CLIP2: variants seen among roughly 807,000 people sequenced by gnomAD.
CLIP2 encodes CAP-Gly domain containing linker protein 2, also known as CAP-Gly domain-containing linker protein 2.
In CLIP2, 41 loss-of-function variants were observed where a neutral mutation model predicts 111.7. The ratio of observed to expected loss-of-function variants is 0.37; its 90% CI spans 0.29 to 0.48. The LOEUF (loss-of-function observed/expected upper bound fraction) is 0.48, where lower values mean the gene tolerates loss of function less well. Among genes scored for constraint, CLIP2 ranks in the 20% least tolerant of loss-of-function variants. The pLI, the probability that CLIP2 is intolerant of heterozygous loss-of-function variation, is 0.99. For missense variants in CLIP2, 1,160 were observed against 1,422.1 expected (o/e 0.82, Z 2.96); for synonymous variants, 660 against 644.2 (o/e 1.02, Z -0.37).
chr7:74,389,717 G>A (rs1791220910), intron 13 of CLIP2, among the ~76,000 whole-genome samples: 1 of 151,730 alleles, frequency 6.6e-6, no homozygotes, highest in African/African-American at 2.4e-5. Context: ...TGGCCAAAAT[G>A]GTGAAACCCT....
At chr7:74,345,780 G>T (rs1789782618) in intron 3 of CLIP2, among the ~76,000 whole-genome samples, 1 of 151,942 alleles carries the variant, frequency 6.6e-6, no homozygotes, top group Admixed American at 6.6e-5. Context: ...CCGGGAGGCG[G>T]AGGTTGCAAT....
intron 13 of CLIP2, among the ~76,000 whole-genome samples, chr7:74,392,259 G>A (rs1161149100): frequency 2.0e-5 from 3 of 151,932 alleles, no homozygotes; most frequent in Non-Finnish European, 4.4e-5. Context: ...GCTGAGGCAG[G>A]AGAATGGCGT....
rs187161243 is a variant in CLIP2, at chr7:74,389,662, G to A, written c.2720+403G>A. Among the ~76,000 whole-genome samples the A allele has an allele frequency of 5.8e-3, 883 of 151,770 alleles. 7 individuals carry two copies. The highest frequency in any genetic ancestry group is 0.02 in the African/African-American group (821 of 41,374). ...ACCTGTAATCCCAGCACCTTGGGAG[G>A]CCGAGGCAGCCGGATCACCTGAGGT... is the stretch of plus-strand genomic sequence containing the variant. On this transcript the variant is annotated intron_variant, in intron 13 of 16. Coordinates refer to ENST00000223398, the MANE Select transcript of CLIP2 (RefSeq NM_003388.5).
At chr7:74,388,995 T>A in intron 12 of CLIP2, 108 bp from the exon 13 acceptor site, 1 of 1,358,402 alleles carries the variant, frequency 7.4e-7, no homozygotes, top group Non-Finnish European at 1.0e-6. Context: ...GTATGTCACC[T>A]TCATCCCCTG....
rs2116688470 is a variant in CLIP2, at chr7:74,389,099, C to A, written c.2564-4C>A. Reference sequence around the variant, plus strand: ...TTCCTCCCTTCCCTGCCGGCTGACCCCAGCGCTGGAGAGCAAGTGTAAGTC... The same window carrying A: ...TTCCTCCCTTCCCTGCCGGCTGACCACAGCGCTGGAGAGCAAGTGTAAGTC... On this transcript the variant is annotated splice_polypyrimidine_tract_variant and splice_region_variant and intron_variant, in intron 12 of 16. Coordinates refer to ENST00000223398, the MANE Select transcript of CLIP2 (RefSeq NM_003388.5). 1 of 1,605,262 alleles carries A rather than the reference C, an allele frequency of 6.2e-7. No homozygotes were observed. Among genetic ancestry groups the A allele is most frequent in the South Asian group, 1.1e-5 (1 of 89,638 alleles).
chr7:74,393,720 C>T (rs1485059458), intron 13 of CLIP2, among the ~76,000 whole-genome samples: 1 of 152,220 alleles, frequency 6.6e-6, no homozygotes, highest in African/African-American at 2.4e-5. Flanking sequence ...TACCTCCTTT[C>T]CTTCTATACA....
chr7:74,322,074 C>T (rs1259375663), intron 2 of CLIP2, among the ~76,000 whole-genome samples: 4 of 150,498 alleles, frequency 2.7e-5, no homozygotes, highest in Non-Finnish European at 4.4e-5. Context: ...TGATTGCAAC[C>T]TCTGCCTCCT....
At position 74,389,234 on chromosome 7, in the gene CLIP2, A is replaced by G. The variant is rs1554315372; in HGVS notation, c.2695A>G (p.Ser899Gly). The G allele has an allele frequency of 6.2e-7, 1 of 1,608,154 alleles. No individual in the cohort carries two copies. The highest frequency in any genetic ancestry group is 8.5e-7 in the Non-Finnish European group (1 of 1,177,676). ...CGCCTCGGGCCAGCTAGTCCTCATC[A>G]GCCAGGAGCTGCTGCGGAAGGAGCG... ...HDASGQLVLI[S>G]QELLRKERSL... Residue 899 changes from serine (S) to glycine (G), a missense_variant, in exon 13 of 17, where the codon AGC (serine) becomes GGC (glycine). Physicochemically the swap from Ser to Gly is moderately conservative, Grantham distance 56. This residue lies in a region of CLIP2 where 676 missense variants were observed against 777.8 expected (regional missense o/e 0.87). Coordinates refer to ENST00000223398, the MANE Select transcript of CLIP2 (RefSeq NM_003388.5).
rs1554315629 is a variant in CLIP2, at chr7:74,390,206, AAAGAAAGAAAGAAAGAAAGG to A, written c.2720+949_2720+968del. Among the ~76,000 whole-genome samples, 470 of 99,606 alleles carry A rather than the reference AAAGAAAGAAAGAAAGAAAGG, an allele frequency of 4.7e-3. 7 individuals carry two copies. Among genetic ancestry groups the A allele is most frequent in the South Asian group, 0.015 (54 of 3,616 alleles). The allele number at this position is 99,606 out of a possible 152,430, so 65.3% of individuals were successfully genotyped here. On this transcript the variant is annotated intron_variant, in intron 13 of 16. Transcript: ENST00000223398. The stretch of plus-strand genomic sequence containing the variant: ...GAAAGAAAGAAAGAAAGAAAGAAAG[AAAGAAAGAAAGAAAGAAAGG>A]ATTAATGCCTCCCCAAAATGTTTGG...
intron 1 of CLIP2, among the ~76,000 whole-genome samples, chr7:74,312,359 C>T (rs782633085): frequency 2.6e-5 from 4 of 151,946 alleles, no homozygotes; most frequent in African/African-American, 9.7e-5. Flanking sequence ...GGTCAGGAGG[C>T]GGAGGGAGTT....
intron 13 of CLIP2, among the ~76,000 whole-genome samples, chr7:74,396,175 C>T (rs1791443002): frequency 6.6e-6 from 1 of 152,210 alleles, no homozygotes; most frequent in Non-Finnish European, 1.5e-5. Context: ...AATGTGGCCT[C>T]AGAACCATTA....
intron 2 of CLIP2, among the ~76,000 whole-genome samples, chr7:74,335,055 G>A (rs1178040823): frequency 6.6e-6 from 1 of 151,792 alleles, no homozygotes; most frequent in Non-Finnish European, 1.5e-5. Flanking sequence ...TGTCCTACTC[G>A]GCCTGAGTGA....
chr7:74,329,669 G>C (rs966675429), intron 2 of CLIP2, among the ~76,000 whole-genome samples: 1 of 149,814 alleles, frequency 6.7e-6, no homozygotes, highest in Non-Finnish European at 1.5e-5. Context: ...TTTTTTATCT[G>C]CCCCCAAACC....
At position 74,376,684 on chromosome 7, in the gene CLIP2, G is replaced by A; in HGVS notation, c.2283G>A (p.Lys761=). ...AGGAGCAGATCTCGCTGGCCGAGAA[G>A]AAGATGTTGGACTACGAGCGGCTGC... is the stretch of plus-strand genomic sequence containing the variant. ...FLKEQISLAE[K]KMLDYERLQR... is the part of the protein sequence containing the mutation. The change falls in exon 10 of 17, where the codon AAG becomes AAA. Residue 761 remains lysine (K), a synonymous_variant. Transcript: ENST00000223398. The surrounding 1 kb of genome is among the most constrained non-coding windows in gnomAD (Gnocchi z 7.1). The A allele has an allele frequency of 6.2e-7, 1 of 1,613,398 alleles. No homozygotes were observed. Among genetic ancestry groups the A allele is most frequent in the Non-Finnish European group, 8.5e-7 (1 of 1,179,852 alleles).
chr7:74,314,965 T>C (rs918500814), intron 1 of CLIP2, among the ~76,000 whole-genome samples: 8 of 152,168 alleles, frequency 5.3e-5, no homozygotes, highest in Non-Finnish European at 2.9e-5. Flanking sequence ...CTATAAGCTC[T>C]TCTGTGCTTC....
intron 2 of CLIP2, among the ~76,000 whole-genome samples, chr7:74,337,137 C>T (rs1288899888): frequency 1.3e-5 from 2 of 151,956 alleles, no homozygotes; most frequent in African/African-American, 4.8e-5. Flanking sequence ...ATCCGCCCAC[C>T]TCAGCCTCCC....
intron 1 of CLIP2, among the ~76,000 whole-genome samples, chr7:74,311,855 T>C (rs1788647167): frequency 1.3e-5 from 2 of 148,648 alleles, no homozygotes; most frequent in Non-Finnish European, 3.0e-5. Flanking sequence ...GAGGCTGCAG[T>C]GAGCTATGAT....
chr7:74,297,469 C>G (rs536493710), intron 1 of CLIP2, among the ~76,000 whole-genome samples: 1 of 151,796 alleles, frequency 6.6e-6, no homozygotes. Context: ...AGAGCAAGAT[C>G]CTGTCTCAAA....
chr7:74,342,800 CACTTTGAGAGG>C (rs1789692780), intron 3 of CLIP2, among the ~76,000 whole-genome samples: 1 of 152,116 alleles, frequency 6.6e-6, no homozygotes, highest in Non-Finnish European at 1.5e-5. Flanking sequence ...ATAATCCCGG[CACTTTGAGAGG>C]CTGAGGCAGG....
Sources: allele counts gnomAD v4.1 joint callset (sites outside exome capture counted in the v4.1 genomes callset), GRCh38; gene constraint gnomAD v4.1.1; regional missense constraint gnomAD v4.1.1; non-coding constraint Gnocchi (gnomAD v3.1); transcripts MANE v1.5; gene names NCBI Gene and HGNC (gene_info 2026-07-23, HGNC 2026-07-21).